Variants in ALPK1 observed in about 807,000 individuals in gnomAD.
ALPK1 encodes the protein alpha-protein kinase 1.
Under a neutral mutation model 120.6 loss-of-function variants are expected in ALPK1, and 110 were observed. The observed-to-expected ratio is 0.91, with a 90% CI of 0.78 to 1.07. The LOEUF is 1.07. ALPK1 is among the 50% of genes least tolerant of loss of function. The pLI, the probability that ALPK1 is intolerant of heterozygous loss-of-function variation, is 0.00. For missense variants in ALPK1, 1,498 were observed against 1,483.9 expected, an observed-to-expected ratio of 1.01 and a Z score of -0.16; for synonymous variants, 582 against 560.3, an observed-to-expected ratio of 1.04 and a Z score of -0.55.
chr4:112,340,701 CCTT>C (rs1729823944), intron 2 of ALPK1, among the ~76,000 whole-genome samples: 1 of 152,208 alleles, frequency 6.6e-6, no homozygotes, highest in African/African-American at 2.4e-5. Flanking sequence ...TGAGCAATGT[CCTT>C]CTACTCAATG....
At position 112,408,031 on chromosome 4, in the gene ALPK1, C is replaced by T. The variant is rs142391559; in HGVS notation, c.277-3796C>T. Among the ~76,000 whole-genome samples, 709 of 151,924 alleles carry T rather than the reference C, an allele frequency of 4.7e-3. 7 individuals carry two copies. Among genetic ancestry groups the T allele is most frequent in the South Asian group, 0.015 (74 of 4,812 alleles). On this transcript the variant is annotated intron_variant, in intron 4 of 15. Coordinates refer to ENST00000650871, the MANE Select transcript of ALPK1 (RefSeq NM_025144.4). ...CTGAGGCAGGAGAATTGCTTGAATC[C>T]GAGAGGCAGAGGTTGCAGTGAGCAG...
At chr4:112,387,476 A>T (rs1018145585) in intron 4 of ALPK1, among the ~76,000 whole-genome samples, 2 of 152,138 alleles carry the variant, frequency 1.3e-5, no homozygotes, top group Non-Finnish European at 2.9e-5. Context: ...TGTGGTGCCC[A>T]CTCACGGAGA....
intron 1 of ALPK1, among the ~76,000 whole-genome samples, chr4:112,302,685 C>A (rs1269710363): frequency 6.6e-6 from 1 of 152,144 alleles, no homozygotes; most frequent in African/African-American, 2.4e-5. Context: ...CTTCTCAGCC[C>A]TCTGCTGCGG....
chr4:112,373,722 TA>T (rs1247515467), intron 2 of ALPK1, among the ~76,000 whole-genome samples: 1 of 151,938 alleles, frequency 6.6e-6, no homozygotes, highest in African/African-American at 2.4e-5. Context: ...ACCCATCTCT[TA>T]AAAAAAATTA....
chr4:112,393,940 A>G (rs1284994080), intron 4 of ALPK1, among the ~76,000 whole-genome samples: 1 of 152,092 alleles, frequency 6.6e-6, no homozygotes, highest in Non-Finnish European at 1.5e-5. Context: ...ATATATATAT[A>G]TATATATACT....
intron 1 of ALPK1, among the ~76,000 whole-genome samples, chr4:112,304,184 A>G (rs1227879134): frequency 1.3e-5 from 2 of 151,458 alleles, no homozygotes; most frequent in Non-Finnish European, 2.9e-5. Context: ...AGTCTTTGCT[A>G]TTGTGAATAG....
intron 2 of ALPK1, among the ~76,000 whole-genome samples, chr4:112,374,064 T>A (rs1731540432): frequency 6.6e-6 from 1 of 152,230 alleles, no homozygotes; most frequent in Admixed American, 6.5e-5. Flanking sequence ...GATTGAGTCA[T>A]CCTTTTCCTA....
intron 2 of ALPK1, among the ~76,000 whole-genome samples, chr4:112,321,702 G>A (rs1728874275): frequency 6.6e-6 from 1 of 152,220 alleles, no homozygotes. Context: ...TTTTGGGACA[G>A]TGGATTAGTG....
chr4:112,425,037 C>T (rs76552939), intron 6 of ALPK1: 9,762 of 152,470 alleles, frequency 0.064, 383 homozygotes, highest in Non-Finnish European at 0.092. Flanking sequence ...GGCCCCACAC[C>T]CCAATCACAG....
intron 10 of ALPK1, among the ~76,000 whole-genome samples, chr4:112,430,116 A>G (rs928989529): frequency 9.2e-5 from 14 of 152,216 alleles, no homozygotes; most frequent in African/African-American, 3.4e-4. Context: ...TTCCATGGAT[A>G]GACTCTGTTA....
chr4:112,314,490 T>C (rs916397435), intron 1 of ALPK1, among the ~76,000 whole-genome samples: 28 of 152,162 alleles, frequency 1.8e-4, no homozygotes, highest in African/African-American at 6.5e-4. Context: ...TGTATGACCA[T>C]GGAAGTGAAT....
chr4:112,373,300 A>G lies in ALPK1; in HGVS notation c.-100-4378A>G, dbSNP rs184843022. Among the ~76,000 whole-genome samples, 373 of 152,318 alleles carry G rather than the reference A, an allele frequency of 2.4e-3. 1 individual carries two copies. Among genetic ancestry groups the G allele is most frequent in the Non-Finnish European group, 3.8e-3 (261 of 68,026 alleles). Reference sequence around the variant, plus strand: ...TGCGGTACTCAGAAGGAATGAACATATGCTCCTGTACTCTTTGCAATAGCA... The same window carrying G: ...TGCGGTACTCAGAAGGAATGAACATGTGCTCCTGTACTCTTTGCAATAGCA... On this transcript the variant is annotated intron_variant, in intron 2 of 15. Transcript: ENST00000650871.
chr4:112,411,643 T>C (rs1037683416), intron 4 of ALPK1, 184 bp from the exon 5 acceptor site: 1 of 613,336 alleles, frequency 1.6e-6, no homozygotes, highest in African/African-American at 1.8e-5. Context: ...GAAATACTAT[T>C]TTATTGCACA....
intron 2 of ALPK1, among the ~76,000 whole-genome samples, chr4:112,362,915 G>T (rs981826982): frequency 6.6e-6 from 1 of 152,192 alleles, no homozygotes; most frequent in Non-Finnish European, 1.5e-5. Context: ...TGCTAGAAGG[G>T]ATTGGAGTCC....
At position 112,431,793 on chromosome 4, in the gene ALPK1, A is replaced by C. The variant is rs753472822; in HGVS notation, c.2246A>C (p.Glu749Ala). 7.4e-6 allele frequency: 12 copies of C among 1,614,090 alleles called. No individual in the cohort carries two copies. Among genetic ancestry groups the C allele is most frequent in the African/African-American group, 4.0e-5 (3 of 74,946 alleles). Residue 749 changes from glutamate (E) to alanine (A), a missense_variant, in exon 11 of 16, where the codon GAG (glutamate) becomes GCG (alanine). Coordinates refer to ENST00000650871, the MANE Select transcript of ALPK1 (RefSeq NM_025144.4). ...QKEEAFEIIV[E>A]FPETNCDVKD... ...GAAGAAGCCTTTGAAATAATTGTTG[A>C]GTTTCCAGAAACCAACTGCGATGTC...
intron 4 of ALPK1, among the ~76,000 whole-genome samples, chr4:112,406,184 C>T (rs1733164258): frequency 6.6e-6 from 1 of 152,058 alleles, no homozygotes; most frequent in African/African-American, 2.4e-5. Flanking sequence ...CACCTATGTC[C>T]ATGGCAGCAC....
At chr4:112,336,951 C>T (rs1729645773) in intron 2 of ALPK1, among the ~76,000 whole-genome samples, 2 of 152,028 alleles carry the variant, frequency 1.3e-5, no homozygotes, top group Non-Finnish European at 2.9e-5. Context: ...CAGTCTTAAT[C>T]ATCTATTAAA....
intron 4 of ALPK1, among the ~76,000 whole-genome samples, chr4:112,408,901 T>C (rs980910205): frequency 1.6e-4 from 24 of 152,160 alleles, no homozygotes; most frequent in Admixed American, 1.4e-3. Flanking sequence ...AGAAGCTCAA[T>C]CAAGTAAACA....
At chr4:112,376,682 T>A (rs1731676893) in intron 2 of ALPK1, among the ~76,000 whole-genome samples, 1 of 152,238 alleles carries the variant, frequency 6.6e-6, no homozygotes, top group Admixed American at 6.5e-5. Context: ...AATGGTTACT[T>A]CATTGCATGC....
Sources: gnomAD v4.1 joint callset for allele counts (sites outside exome capture counted in the v4.1 genomes callset) on GRCh38, gnomAD v4.1.1 for gene constraint, MANE v1.5 for transcripts, NCBI Gene and HGNC (gene_info 2026-07-23, HGNC 2026-07-21) for gene names.